Variants in SPACA1 observed in about 807,000 individuals in gnomAD.
The protein encoded by SPACA1 is sperm acrosome membrane-associated protein 1.
A neutral mutation model predicts 32.6 loss-of-function variants in SPACA1; 17 were observed. The observed-to-expected ratio is 0.52, with a 90% CI of 0.36 to 0.78. The LOEUF is 0.78. Ranked by LOEUF, SPACA1 falls within the 30% of genes least tolerant of loss-of-function variation. The probability of loss-of-function intolerance (pLI) is 0.01; values close to 1 mark genes in which losing one functional copy is unlikely to be tolerated. For missense variants in SPACA1, 363 were observed against 373.4 expected, an observed-to-expected ratio of 0.97 and a Z score of 0.23; for synonymous variants, 140 against 138.1, an observed-to-expected ratio of 1.01 and a Z score of -0.10.
intron 3 of SPACA1, 34 bp downstream of exon 3, chr6:88,057,747 G>A (rs759062780): frequency 1.1e-5 from 17 of 1,575,276 alleles, no homozygotes; most frequent in African/African-American, 2.7e-5. Flanking sequence ...GGAGACTGTG[G>A]GCAAGAGTTT....
intron 6 of SPACA1, among the ~76,000 whole-genome samples, chr6:88,065,269 TA>T (rs1775962900): frequency 6.7e-6 from 1 of 148,506 alleles, no homozygotes; most frequent in African/African-American, 2.5e-5. Flanking sequence ...TATCACAGAC[TA>T]AAAATAATGA....
chr6:88,057,586 T>C, intron 2 of SPACA1, 26 bp from the exon 3 acceptor site: 2 of 1,546,220 alleles, frequency 1.3e-6, no homozygotes, highest in Non-Finnish European at 1.8e-6. Context: ...TTCTTAACAT[T>C]TGCCTTTTTA....
chr6:88,052,777 C>T (rs1014026046), intron 1 of SPACA1, among the ~76,000 whole-genome samples: 1 of 152,140 alleles, frequency 6.6e-6, no homozygotes, highest in African/African-American at 2.4e-5. Context: ...GCGGAGGTTG[C>T]AGTGAGCCGG....
rs1414871243 is a variant in SPACA1 at position 88,059,490 on chromosome 6, A to G, written c.512A>G (p.Glu171Gly). 7.4e-6 allele frequency: 12 copies of G among 1,613,032 alleles called. No homozygotes were observed. The highest frequency in any genetic ancestry group is 1.3e-5 in the African/African-American group (1 of 74,886). The change falls in exon 5 of 7, where the codon GAA becomes GGA. Residue 171 changes from glutamate to glycine, a missense_variant. Transcript: ENST00000237201. ...IILVNDSAIL[E>G]VRKESHPLAF... ...CTTGTAAATGATTCAGCAATCCTAG[A>G]AGTACGCAAGGAAAGTCACCCCTTG...
At chr6:88,047,661 C>T (rs926365549), upstream of SPACA1, 2 of 498,934 alleles carry the variant, frequency 4.0e-6, no homozygotes, top group African/African-American at 2.0e-5. Context: ...GGCGTCCTCT[C>T]CTAGGGACTT....
intron 1 of SPACA1, among the ~76,000 whole-genome samples, chr6:88,049,102 G>A (rs901200089): frequency 1.3e-5 from 2 of 152,144 alleles, no homozygotes; most frequent in African/African-American, 4.8e-5. Context: ...GGTTTGCACG[G>A]CCTTGTAACA....
At chr6:88,059,879 A>C (rs1775866869) in intron 5 of SPACA1, among the ~76,000 whole-genome samples, 1 of 152,168 alleles carries the variant, frequency 6.6e-6, no homozygotes, top group African/African-American at 2.4e-5. Context: ...ACTTTGGGAA[A>C]CTGGTGTATT....
Position 88,053,980 on chromosome 6 carries a change from C to A in SPACA1, c.243C>A (p.Phe81Leu), listed in dbSNP as rs769128092. The change falls in exon 2 of 7, where the codon TTC (phenylalanine) becomes TTA (leucine). Residue 81 changes from phenylalanine (F) to leucine (L), a missense_variant. Coordinates refer to ENST00000237201, the MANE Select transcript of SPACA1 (RefSeq NM_030960.3). ...SNRNVVKEVE[F>L]GMCTVTCGIG... is the part of the protein sequence containing the mutation. ...GGAATGTCGTCAAAGAAGTAGAATT[C>A]GGAATGTGCACCGTTACATGTGGTA... The A allele has an allele frequency of 7.4e-6, 12 of 1,613,312 alleles. No individual in the cohort carries two copies. The highest frequency in any genetic ancestry group is 3.3e-5 in the Admixed American group (2 of 59,994).
At chr6:88,056,809 T>C (rs1241570148) in intron 2 of SPACA1, among the ~76,000 whole-genome samples, 2 of 152,154 alleles carry the variant, frequency 1.3e-5, no homozygotes, top group Admixed American at 6.5e-5. Context: ...TTTCTCTCAA[T>C]TGTGGTGATG....
At chr6:88,059,410 A>G (rs762371349) in intron 4 of SPACA1, 43 bp from the exon 5 acceptor site, 2 of 1,514,010 alleles carry the variant, frequency 1.3e-6, no homozygotes, top group East Asian at 2.4e-5. Flanking sequence ...GTAAGTGTAC[A>G]TGAAAAATGT....
At chr6:88,056,131 G>A (rs935151888) in intron 2 of SPACA1, among the ~76,000 whole-genome samples, 3 of 152,276 alleles carry the variant, frequency 2.0e-5, no homozygotes, top group Admixed American at 1.3e-4. Context: ...TGAGGCTGGC[G>A]GATCACCAGG....
intron 1 of SPACA1, among the ~76,000 whole-genome samples, chr6:88,052,760 C>A (rs188426944): frequency 6.6e-6 from 1 of 152,220 alleles, no homozygotes; most frequent in Non-Finnish European, 1.5e-5. Flanking sequence ...TCACTTGTGC[C>A]TGGGAGGCGG....
At chr6:88,047,022 AAAC>A (rs1394003038), upstream of SPACA1, among the ~76,000 whole-genome samples, 3 of 152,172 alleles carry the variant, frequency 2.0e-5, no homozygotes, top group Non-Finnish European at 2.9e-5. Context: ...GTCTTTTCAA[AAAC>A]AACAACAAAC....
chr6:88,052,950 A>G (rs1775751961), intron 1 of SPACA1, among the ~76,000 whole-genome samples: 1 of 152,246 alleles, frequency 6.6e-6, no homozygotes, highest in East Asian at 1.9e-4. Flanking sequence ...CATTAAATTA[A>G]TAAGTACAAA....
intron 3 of SPACA1, among the ~76,000 whole-genome samples, 195 bp downstream of exon 3, chr6:88,057,908 C>G (rs1373698948): frequency 6.6e-6 from 1 of 152,192 alleles, no homozygotes; most frequent in Non-Finnish European, 1.5e-5. Context: ...CACATTTTTT[C>G]AGAGACATCT....
At chr6:88,048,745 C>T (rs1582265769) in intron 1 of SPACA1, among the ~76,000 whole-genome samples, 1 of 150,558 alleles carries the variant, frequency 6.6e-6, no homozygotes, top group Non-Finnish European at 1.5e-5. Flanking sequence ...ACATATTAAC[C>T]AAGGAACAAT....
Position 88,059,322 on chromosome 6 carries a change from A to C in SPACA1, c.475-131A>C, listed in dbSNP as rs957499406. On this transcript the variant is annotated intron_variant, in intron 4 of 6. Transcript: ENST00000237201. ...GTCTGGATTGTGTGACTGAAAATCC[A>C]TGTAGATCATTAATTACTCAACTAG... The C allele has an allele frequency of 3.8e-6, 3 of 780,942 alleles. No individual in the cohort carries two copies. In the Admixed American group the frequency reaches 1.0e-4, roughly 26 times the overall value. 48.4% of individuals were successfully genotyped at this position (780,942 alleles called of 1,614,324 possible). A position where few individuals can be genotyped will look rare whatever the true frequency, so the allele number is the denominator to read the frequency against.
At chr6:88,048,502 A>G (rs1274116182) in intron 1 of SPACA1, among the ~76,000 whole-genome samples, 1 of 150,998 alleles carries the variant, frequency 6.6e-6, no homozygotes, top group East Asian at 1.9e-4. Flanking sequence ...CTTGATTTCC[A>G]CATTTGCACT....
chr6:88,061,099 CAA>C (rs1318282253), intron 5 of SPACA1, among the ~76,000 whole-genome samples: 2 of 152,124 alleles, frequency 1.3e-5, no homozygotes, highest in Non-Finnish European at 2.9e-5. Flanking sequence ...AGAAATCAAA[CAA>C]ATGTTTTGGC....
Sources: allele counts gnomAD v4.1 joint callset (sites outside exome capture counted in the v4.1 genomes callset), GRCh38; gene constraint gnomAD v4.1.1; transcripts MANE v1.5; gene names NCBI Gene and HGNC (gene_info 2026-07-23, HGNC 2026-07-21).